The following CYYR1 variants were observed in gnomAD, a reference collection of about 807,000 sequenced individuals.
CYYR1 encodes cysteine and tyrosine-rich protein 1.
In CYYR1, 14 loss-of-function variants were observed where a neutral mutation model predicts 15.2. That is an observed-to-expected ratio of 0.92 (90% CI 0.61 to 1.44). The LOEUF is 1.44. CYYR1 is among the 40% of genes most tolerant of loss of function. The pLI, the probability that CYYR1 is intolerant of heterozygous loss-of-function variation, is 0.00. For missense variants in CYYR1, 228 were observed against 209.5 expected (o/e 1.09, Z -0.54); for synonymous variants, 80 against 77.4 (o/e 1.03, Z -0.18).
Position 26,468,360 on chromosome 21 carries a change from T to C in CYYR1, c.*141A>G, listed in dbSNP as rs1036467296. 2.5e-5 allele frequency: 18 copies of C among 715,620 alleles called. No individual in the cohort carries two copies. Among genetic ancestry groups the C allele is most frequent in the Non-Finnish European group, 2.0e-5 (8 of 390,838 alleles). The allele number at this position is 715,620 out of a possible 1,614,324, so 44.3% of individuals were successfully genotyped here. On this transcript the variant is annotated 3_prime_UTR_variant, in exon 4 of 4. Transcript: ENST00000652641. ...AGCAGAGTAGAAATCCTATATCTCCTAGCAGGGATATTCCACCTGACACAT... is the reference window on the plus strand; with the variant it reads ...AGCAGAGTAGAAATCCTATATCTCCCAGCAGGGATATTCCACCTGACACAT...
At chr21:26,525,454 C>T (rs1396924441) in intron 2 of CYYR1, among the ~76,000 whole-genome samples, 1 of 152,152 alleles carries the variant, frequency 6.6e-6, no homozygotes, top group African/African-American at 2.4e-5. Flanking sequence ...CCGCCTTGAG[C>T]TGAGGACTTT....
chr21:26,502,899 T>A (rs2065501460), intron 2 of CYYR1, among the ~76,000 whole-genome samples: 1 of 152,198 alleles, frequency 6.6e-6, no homozygotes, highest in Non-Finnish European at 1.5e-5. Flanking sequence ...TTTTATTTCT[T>A]ATTTACATAA....
At chr21:26,563,390 G>A (rs1180577863) in intron 2 of CYYR1, among the ~76,000 whole-genome samples, 2 of 151,924 alleles carry the variant, frequency 1.3e-5, no homozygotes, top group Admixed American at 1.3e-4. Context: ...TGGACAACAT[G>A]GTGAAAACCA....
intron 2 of CYYR1, among the ~76,000 whole-genome samples, chr21:26,491,508 C>T (rs2065328178): frequency 6.6e-6 from 1 of 152,102 alleles, no homozygotes; most frequent in South Asian, 2.1e-4. Context: ...TTTCCATTGA[C>T]TCGAAGATGG....
chr21:26,471,636 T>G (rs2123362669), intron 3 of CYYR1: 1 of 152,332 alleles, frequency 6.6e-6, no homozygotes, highest in South Asian at 2.1e-4. Flanking sequence ...AAATAATATT[T>G]GTATAATTGT....
chr21:26,496,706 G>A (rs575057054), intron 2 of CYYR1, among the ~76,000 whole-genome samples: 2 of 152,194 alleles, frequency 1.3e-5, no homozygotes, highest in South Asian at 2.1e-4. Context: ...TCCCAAATGG[G>A]GAGAATACTC....
chr21:26,525,755 T>C (rs2065856097), intron 2 of CYYR1, among the ~76,000 whole-genome samples: 1 of 152,244 alleles, frequency 6.6e-6, no homozygotes, highest in Non-Finnish European at 1.5e-5. Flanking sequence ...ATTGCCTACA[T>C]GTGAATCATT....
chr21:26,487,039 A>T (rs2065258189), intron 2 of CYYR1, among the ~76,000 whole-genome samples: 1 of 152,118 alleles, frequency 6.6e-6, no homozygotes, highest in Non-Finnish European at 1.5e-5. Flanking sequence ...TAGAAAAATT[A>T]AAAAGGCCAT....
intron 2 of CYYR1, among the ~76,000 whole-genome samples, chr21:26,500,923 G>T (rs1236604758): frequency 6.6e-6 from 1 of 152,148 alleles, no homozygotes; most frequent in Non-Finnish European, 1.5e-5. Flanking sequence ...ACAGTAGTGG[G>T]ACAGAGTTGT....
At chr21:26,512,277 C>T (rs1273062099) in intron 2 of CYYR1, among the ~76,000 whole-genome samples, 3 of 152,120 alleles carry the variant, frequency 2.0e-5, no homozygotes, top group Admixed American at 1.3e-4. Flanking sequence ...TGGCTCACTG[C>T]AACCTCCGTC....
At chr21:26,515,062 T>C (rs1422334457) in intron 2 of CYYR1, among the ~76,000 whole-genome samples, 1 of 152,272 alleles carries the variant, frequency 6.6e-6, no homozygotes, top group Non-Finnish European at 1.5e-5. Flanking sequence ...AAAGAGCTTT[T>C]GTCTCTTTTA....
chr21:26,564,318 T>C (rs222968), intron 2 of CYYR1, among the ~76,000 whole-genome samples: 31,038 of 152,120 alleles, frequency 0.2, 3,499 homozygotes, highest in South Asian at 0.27. Flanking sequence ...CCACCTTTCT[T>C]TTTGCTAAGA....
chr21:26,525,168 C>A (rs1466350074), intron 2 of CYYR1, among the ~76,000 whole-genome samples: 1 of 152,114 alleles, frequency 6.6e-6, no homozygotes, highest in Non-Finnish European at 1.5e-5. Context: ...CCTTTTCCTC[C>A]TCCTCTTTCT....
chr21:26,515,737 A>T (rs2065719452), intron 2 of CYYR1, among the ~76,000 whole-genome samples: 1 of 152,154 alleles, frequency 6.6e-6, no homozygotes, highest in African/African-American at 2.4e-5. Context: ...TAAATCTCCA[A>T]AAGAGTTTGC....
intron 2 of CYYR1, among the ~76,000 whole-genome samples, chr21:26,505,211 A>C (rs2065539072): frequency 6.6e-6 from 1 of 152,224 alleles, no homozygotes; most frequent in Non-Finnish European, 1.5e-5. Flanking sequence ...TGTTAATTAC[A>C]CTTTGTTTTC....
At chr21:26,504,293 CAG>C (rs1215475036) in intron 2 of CYYR1, among the ~76,000 whole-genome samples, 2 of 151,362 alleles carry the variant, frequency 1.3e-5, no homozygotes, top group African/African-American at 4.9e-5. Flanking sequence ...ATTTTTGAGA[CAG>C]AGTCTTGCCC....
chr21:26,482,019 A>C (rs1229151056), intron 2 of CYYR1, among the ~76,000 whole-genome samples: 2 of 151,952 alleles, frequency 1.3e-5, no homozygotes, highest in Admixed American at 1.3e-4. Flanking sequence ...CAACCCTTTC[A>C]GTTATTTTTT....
intron 2 of CYYR1, chr21:26,518,442 T>C (rs888751150): frequency 6.6e-6 from 1 of 152,282 alleles, no homozygotes; most frequent in Non-Finnish European, 1.5e-5. Context: ...GATAAAAGGA[T>C]GAGTTTGACC....
Position 26,555,300 on chromosome 21 carries a change from T to C in CYYR1, c.176+10966A>G, listed in dbSNP as rs115966779. Among the ~76,000 whole-genome samples the C allele has an allele frequency of 8.6e-3, 1,304 of 152,290 alleles. 23 individuals carry two copies. Among genetic ancestry groups the C allele is most frequent in the African/African-American group, 0.03 (1,231 of 41,564 alleles). Reference sequence around the variant, plus strand: ...TTTGATAAACTTAAATTCTAATATATTTCTATGTGTAATACTTCAGAGGCT... The same window carrying C: ...TTTGATAAACTTAAATTCTAATATACTTCTATGTGTAATACTTCAGAGGCT... On this transcript the variant is annotated intron_variant, in intron 2 of 3. Coordinates refer to ENST00000652641, the MANE Select transcript of CYYR1 (RefSeq NM_001320768.2).
Sources: allele counts gnomAD v4.1 joint callset (sites outside exome capture counted in the v4.1 genomes callset), GRCh38; gene constraint gnomAD v4.1.1; transcripts MANE v1.5; gene names NCBI Gene and HGNC (gene_info 2026-07-23, HGNC 2026-07-21).